The following COL13A1 variants were observed in gnomAD, a reference collection of about 807,000 sequenced individuals.
COL13A1 encodes the protein collagen type XIII alpha 1 chain.
A neutral mutation model predicts 130.9 loss-of-function variants in COL13A1; 89 were observed. The ratio of observed to expected loss-of-function variants is 0.68; its 90% CI spans 0.57 to 0.81. The LOEUF (loss-of-function observed/expected upper bound fraction) is 0.81. Among genes scored for constraint, COL13A1 ranks in the 30% least tolerant of loss-of-function variants. The pLI is 0.00. For missense variants in COL13A1, 879 were observed against 934.6 expected (o/e 0.94, Z 0.78); for synonymous variants, 402 against 341.6 (o/e 1.18, Z -1.95).
At chr10:69,936,611 C>A in intron 32 of COL13A1, 145 bp from the exon 33 acceptor site, 1 of 807,142 alleles carries the variant, frequency 1.2e-6, no homozygotes, top group Non-Finnish European at 2.0e-6. Flanking sequence ...CCCCACTTAG[C>A]ATTTCTTTCT....
intron 17 of COL13A1, among the ~76,000 whole-genome samples, chr10:69,907,289 G>A (rs1195040803): frequency 1.3e-5 from 2 of 152,182 alleles, no homozygotes; most frequent in East Asian, 3.8e-4. Context: ...TTTAAAAAAT[G>A]AGAAAACTGT....
rs971639674 is a variant in COL13A1, at chr10:69,918,174, G to A, written c.967-111G>A. ...TGGTGGTTGCGGGGTTGGGAGGAGT[G>A]AGCGGTCCTCCTTCTCATCACACCA... On this transcript the variant is annotated intron_variant, in intron 18 of 40. Coordinates refer to ENST00000645393, the MANE Select transcript of COL13A1 (RefSeq NM_001368882.1). 2.1e-5 allele frequency: 19 copies of A among 924,192 alleles called. 1 individual carries two copies. Among genetic ancestry groups the A allele is most frequent in the Non-Finnish European group, 1.3e-5 (8 of 611,316 alleles). 57.2% of individuals were successfully genotyped at this position (924,192 alleles called of 1,614,324 possible).
intron 38 of COL13A1, among the ~76,000 whole-genome samples, chr10:69,950,058 A>G (rs150132898): frequency 4.8e-4 from 66 of 137,382 alleles, no homozygotes; most frequent in Middle Eastern, 3.6e-3. Context: ...TTCCTCCTCC[A>G]CTATCTCTTT....
At chr10:69,892,679 GT>G (rs2061298888) in intron 10 of COL13A1, among the ~76,000 whole-genome samples, 1 of 152,218 alleles carries the variant, frequency 6.6e-6, no homozygotes, top group Admixed American at 6.5e-5. Context: ...CACATCACCG[GT>G]GGCCATGGCC....
Position 69,925,867 on chromosome 10 carries a change from C to A in COL13A1, c.1393C>A (p.Leu465Ile). The A allele has an allele frequency of 6.3e-7, 1 of 1,593,242 alleles. No individual in the cohort carries two copies. The highest frequency in any genetic ancestry group is 8.5e-7 in the Non-Finnish European group (1 of 1,169,910). Reference protein sequence around the residue: ...VDYNGNINEALQEIRTLALMG... With the variant: ...VDYNGNINEAIQEIRTLALMG... The stretch of plus-strand genomic sequence containing the variant: ...TTACAATGGAAACATCAATGAGGCT[C>A]TCCAGGTGAGCAGGGTCCAGCCCAG... The change falls in exon 26 of 41, where the codon CTC becomes ATC. Residue 465 changes from leucine (L) to isoleucine (I), a missense_variant. Leu to Ile is a conservative substitution (Grantham distance 5). This residue lies in a region of COL13A1 where 715 missense variants were observed against 721.0 expected (regional missense o/e 0.99). Coordinates refer to ENST00000645393, the MANE Select transcript of COL13A1 (RefSeq NM_001368882.1).
chr10:69,822,398 G>T lies in COL13A1; in HGVS notation c.324G>T (p.Arg108=). The T allele has an allele frequency of 6.3e-7, 1 of 1,594,284 alleles. No homozygotes were observed. Among genetic ancestry groups the T allele is most frequent in the East Asian group, 2.3e-5 (1 of 43,738 alleles). Residue 108 remains arginine (R), a synonymous_variant, in exon 2 of 41, where the codon CGG becomes CGT. Coordinates refer to ENST00000645393, the MANE Select transcript of COL13A1 (RefSeq NM_001368882.1). ...EKWKLHSRRR[R]EAPKTSPGCN... Reference sequence around the variant, plus strand: ...GGAAGCTCCACTCAAGGAGGCGCCGGGAGGCCCCAAAGACATCTCCAGGAT... The same window carrying T: ...GGAAGCTCCACTCAAGGAGGCGCCGTGAGGCCCCAAAGACATCTCCAGGAT...
chr10:69,934,517 A>T (rs2066570784), intron 31 of COL13A1, among the ~76,000 whole-genome samples: 1 of 152,224 alleles, frequency 6.6e-6, no homozygotes, highest in Admixed American at 6.5e-5. Context: ...GCTCCAGGGA[A>T]TTCTACCCCT....
At chr10:69,924,003 C>A in intron 24 of COL13A1, 148 bp downstream of exon 24, 3 of 1,099,242 alleles carry the variant, frequency 2.7e-6, no homozygotes, top group Non-Finnish European at 3.9e-6. Context: ...TTGGCTTGGG[C>A]TTTAGAGAGC....
chr10:69,913,286 C>T (rs35247685), intron 17 of COL13A1, among the ~76,000 whole-genome samples: 8,756 of 152,216 alleles, frequency 0.058, 340 homozygotes, highest in Middle Eastern at 0.13. Flanking sequence ...CCAAGTAAGG[C>T]GGCTGAGAGC....
Position 69,806,576 on chromosome 10 carries a change from C to T in COL13A1, c.294+3859C>T, listed in dbSNP as rs73263786. 7.1e-3 allele frequency among the ~76,000 whole-genome samples: 1,088 copies of T among 152,332 alleles called. 12 individuals carry two copies. Among genetic ancestry groups the T allele is most frequent in the African/African-American group, 0.025 (1,021 of 41,560 alleles). On this transcript the variant is annotated intron_variant, in intron 1 of 40. Coordinates refer to ENST00000645393, the MANE Select transcript of COL13A1 (RefSeq NM_001368882.1). ...CTCTCTCCTGGTCTGGGACCCTTAA[C>T]GAGCACTCCAGCTGCCTGTTATTTG... is the stretch of plus-strand genomic sequence containing the variant.
intron 1 of COL13A1, among the ~76,000 whole-genome samples, chr10:69,812,587 T>C (rs1200512611): frequency 1.3e-5 from 2 of 152,240 alleles, no homozygotes; most frequent in African/African-American, 4.8e-5. Flanking sequence ...GTTCAAATTC[T>C]GCCTCTGTCT....
chr10:69,936,165 G>GA (rs1266795409), intron 32 of COL13A1, among the ~76,000 whole-genome samples: 1 of 29,994 alleles, frequency 3.3e-5, no homozygotes, highest in Non-Finnish European at 7.0e-5. Context: ...AGGAAGGAAG[G>GA]AAGGAAGGAA....
At chr10:69,883,247 C>T (rs1476634063) in intron 7 of COL13A1, among the ~76,000 whole-genome samples, 1 of 152,220 alleles carries the variant, frequency 6.6e-6, no homozygotes, top group Non-Finnish European at 1.5e-5. Context: ...GAGCCTGGAC[C>T]TCCAAGATGC....
intron 15 of COL13A1, 44 bp downstream of exon 15, chr10:69,902,899 C>A: frequency 7.0e-7 from 1 of 1,430,614 alleles, no homozygotes; most frequent in Non-Finnish European, 9.3e-7. Context: ...ATCCCAAGAA[C>A]TCTCTGGAAA....
chr10:69,902,186 T>A (rs1231708477), intron 14 of COL13A1, among the ~76,000 whole-genome samples: 2 of 152,182 alleles, frequency 1.3e-5, no homozygotes, highest in Non-Finnish European at 2.9e-5. Flanking sequence ...ATATGTAAAG[T>A]CTCTTGCTCA....
intron 35 of COL13A1, 56 bp from the exon 36 acceptor site, chr10:69,944,069 C>A: frequency 1.3e-6 from 2 of 1,502,646 alleles, no homozygotes; most frequent in Non-Finnish European, 1.8e-6. Flanking sequence ...AGGTGGGGCA[C>A]CCAGGGCTCC....
chr10:69,844,424 A>C (rs1852447547), intron 2 of COL13A1, among the ~76,000 whole-genome samples: 1 of 152,200 alleles, frequency 6.6e-6, no homozygotes, highest in Non-Finnish European at 1.5e-5. Context: ...GCCCCCAGTA[A>C]GCCTGTGGAG....
At chr10:69,864,317 C>T (rs1415065428) in intron 2 of COL13A1, among the ~76,000 whole-genome samples, 2 of 149,478 alleles carry the variant, frequency 1.3e-5, no homozygotes, top group Non-Finnish European at 3.0e-5. Flanking sequence ...CAGTAAATGT[C>T]GATTGAATGA....
chr10:69,896,910 G>A (rs537052886), intron 13 of COL13A1, among the ~76,000 whole-genome samples: 1 of 152,318 alleles, frequency 6.6e-6, no homozygotes, highest in East Asian at 1.9e-4. Context: ...TATTTGAAAC[G>A]ATGGGCTCAC....
Sources: gnomAD v4.1 joint callset for allele counts (sites outside exome capture counted in the v4.1 genomes callset) on GRCh38, gnomAD v4.1.1 for gene constraint, gnomAD v4.1.1 regional missense constraint, MANE v1.5 for transcripts, NCBI Gene and HGNC (gene_info 2026-07-23, HGNC 2026-07-21) for gene names.